The following CDK13 variants were observed in gnomAD, a reference collection of about 807,000 sequenced individuals.
CDK13 encodes cyclin-dependent kinase 13.
A neutral mutation model predicts 137.6 loss-of-function variants in CDK13; 40 were observed. The observed-to-expected ratio is 0.29, with a 90% CI of 0.23 to 0.38. The LOEUF is 0.38. CDK13 is among the 10% of genes least tolerant of loss of function. The pLI is 1.00. For missense variants in CDK13, 1,704 were observed against 1,951.8 expected, an observed-to-expected ratio of 0.87 and a Z score of 2.39; for synonymous variants, 869 against 760.1, an observed-to-expected ratio of 1.14 and a Z score of -2.36.
chr7:40,029,136 T>A (rs1785310033), intron 5 of CDK13, among the ~76,000 whole-genome samples: 1 of 151,766 alleles, frequency 6.6e-6, no homozygotes, highest in Non-Finnish European at 1.5e-5. Flanking sequence ...TTTAAAAAAT[T>A]AAGAAAAAGG....
intron 9 of CDK13, among the ~76,000 whole-genome samples, chr7:40,075,802 C>T (rs1014021227): frequency 1.3e-5 from 2 of 152,038 alleles, no homozygotes; most frequent in East Asian, 1.9e-4. Flanking sequence ...TGAAGCCAGG[C>T]GTTCAAGACC....
intron 2 of CDK13, among the ~76,000 whole-genome samples, chr7:39,996,253 T>C (rs559369238): frequency 1.0e-3 from 153 of 152,366 alleles, no homozygotes; most frequent in South Asian, 2.1e-3. Flanking sequence ...TCTTCAGTAA[T>C]TTCTGATCAC....
intron 1 of CDK13, among the ~76,000 whole-genome samples, chr7:39,958,993 G>A (rs1351344852): frequency 6.6e-6 from 1 of 152,112 alleles, no homozygotes; most frequent in East Asian, 1.9e-4. Context: ...GTTTTGCCAT[G>A]TTGGCCAGGC....
intron 5 of CDK13, among the ~76,000 whole-genome samples, chr7:40,034,392 A>G (rs1785441063): frequency 6.6e-6 from 1 of 152,224 alleles, no homozygotes; most frequent in African/African-American, 2.4e-5. Flanking sequence ...TGTTTTGAGT[A>G]TGGAATGGCA....
intron 7 of CDK13, chr7:40,048,818 GA>G (rs1237800428): frequency 6.6e-6 from 1 of 151,286 alleles, no homozygotes; most frequent in Non-Finnish European, 1.5e-5. Flanking sequence ...CATAATTCTG[GA>G]AAGTATTTTC....
intron 1 of CDK13, among the ~76,000 whole-genome samples, chr7:39,964,891 C>T (rs149935795): frequency 0.27 from 40,583 of 152,048 alleles, 6,549 homozygotes; most frequent in Middle Eastern, 0.45. Context: ...ATCCAGTAGT[C>T]ATTCAGCAGC....
chr7:39,978,343 T>C (rs6973963), intron 1 of CDK13, among the ~76,000 whole-genome samples: 3,602 of 151,670 alleles, frequency 0.024, 138 homozygotes, highest in African/African-American at 0.082. Flanking sequence ...GACAGTGACG[T>C]TTTTTTCTTT....
Position 39,951,833 on chromosome 7 carries a change from C to G in CDK13, c.1192C>G (p.Pro398Ala). 1 of 1,434,466 alleles carries G rather than the reference C, an allele frequency of 7.0e-7. No homozygotes were observed. Among genetic ancestry groups the G allele is most frequent in the Non-Finnish European group, 9.1e-7 (1 of 1,100,202 alleles). 88.9% of individuals were successfully genotyped at this position (1,434,466 alleles called of 1,614,324 possible). A position where few individuals can be genotyped will look rare whatever the true frequency, so the allele number is the denominator to read the frequency against. Residue 398 changes from proline to alanine, a missense_variant, in exon 1 of 14, where the codon CCC becomes GCC. This residue lies in a region of CDK13 where 1,051 missense variants were observed against 931.0 expected (regional missense o/e 1.13). Coordinates refer to ENST00000181839, the MANE Select transcript of CDK13 (RefSeq NM_003718.5). ...CAGCAGCTGGCGCCGCTCTCGCAGT[C>G]CCTACAGCCCTGTGCTCAGGTGAGT... ...SSSSWRRSRSPYSPVLRRSGK... is the reference protein window; with the variant it reads ...SSSSWRRSRSAYSPVLRRSGK...
Position 39,951,738 on chromosome 7 carries a change from G to C in CDK13, c.1097G>C (p.Arg366Pro), listed in dbSNP as rs759729645. ...TCCCCGAGCCCCTACAGTCGCCGCC[G>C]CTCCCCCAGCTACAGCCGCCACAGC... ...PRSPSPYSRR[R>P]SPSYSRHSSY... The change falls in exon 1 of 14, where the codon CGC becomes CCC. Residue 366 changes from arginine to proline, a missense_variant. By Grantham distance (103) the Arg-to-Pro change is moderately radical. Transcript: ENST00000181839. 16 of 1,483,204 alleles carry C rather than the reference G, an allele frequency of 1.1e-5. No individual in the cohort carries two copies. The highest frequency in any genetic ancestry group is 1.3e-5 in the Non-Finnish European group (15 of 1,127,246). 91.9% of individuals were successfully genotyped at this position (1,483,204 alleles called of 1,614,324 possible). A position where few individuals can be genotyped will look rare whatever the true frequency, so the allele number is the denominator to read the frequency against.
chr7:40,082,980 G>C (rs777538587), intron 11 of CDK13, among the ~76,000 whole-genome samples: 1 of 151,692 alleles, frequency 6.6e-6, no homozygotes, highest in Non-Finnish European at 1.5e-5. Flanking sequence ...GCACACGCCT[G>C]TAATCCCAGC....
chr7:39,994,681 T>C (rs1285415284), intron 2 of CDK13, among the ~76,000 whole-genome samples: 1 of 152,204 alleles, frequency 6.6e-6, no homozygotes, highest in African/African-American at 2.4e-5. Context: ...CTGAATATTA[T>C]GTAAATCTTT....
intron 11 of CDK13, among the ~76,000 whole-genome samples, chr7:40,085,064 TCTTA>T (rs1269309411): frequency 3.9e-5 from 6 of 152,094 alleles, no homozygotes; most frequent in Non-Finnish European, 8.8e-5. Context: ...ATAAAGAATC[TCTTA>T]CTTTTAAGGG....
intron 7 of CDK13, among the ~76,000 whole-genome samples, chr7:40,058,747 T>C (rs1239595541): frequency 6.6e-6 from 1 of 152,120 alleles, no homozygotes; most frequent in Non-Finnish European, 1.5e-5. Flanking sequence ...GAATCAAGAA[T>C]GACACTTGGA....
intron 4 of CDK13, among the ~76,000 whole-genome samples, chr7:40,000,405 T>A (rs1784658277): frequency 6.6e-6 from 1 of 152,052 alleles, no homozygotes. Flanking sequence ...TAGCCAGGTG[T>A]GGTGGTGGGC....
chr7:40,021,521 T>G (rs1785125697), intron 5 of CDK13, among the ~76,000 whole-genome samples: 1 of 152,070 alleles, frequency 6.6e-6, no homozygotes, highest in South Asian at 2.1e-4. Flanking sequence ...TTGTCTGTTT[T>G]AACTTGATAA....
chr7:40,006,215 C>T lies in CDK13; in HGVS notation c.2353+4184C>T, dbSNP rs184539599. Among the ~76,000 whole-genome samples, 630 of 152,200 alleles carry T rather than the reference C, an allele frequency of 4.1e-3. 4 individuals carry two copies. The highest frequency in any genetic ancestry group is 0.015 in the African/African-American group (606 of 41,532). On this transcript the variant is annotated intron_variant, in intron 5 of 13. Transcript: ENST00000181839. ...GGTTTTGGGATCAGAGAGAGCCTTT[C>T]GTGTTCCTCTAGGTACTCAGTTTCT...
intron 2 of CDK13, among the ~76,000 whole-genome samples, chr7:39,990,594 C>T (rs1052149509): frequency 2.0e-5 from 3 of 152,126 alleles, no homozygotes; most frequent in Non-Finnish European, 4.4e-5. Flanking sequence ...GCACAGGAGA[C>T]TTATTTTATA....
At chr7:39,952,449 A>G (rs1213302989) in intron 1 of CDK13, 3 of 152,226 alleles carry the variant, frequency 2.0e-5, no homozygotes, top group Admixed American at 2.0e-4. Flanking sequence ...TGAAGTTAAA[A>G]AAGGTATCTA....
At chr7:40,094,002 C>T in intron 13 of CDK13, 128 bp from the exon 14 acceptor site, 3 of 1,135,188 alleles carry the variant, frequency 2.6e-6, no homozygotes, top group African/African-American at 3.2e-5. Flanking sequence ...TTGCTTTTTT[C>T]ATTTAACATT....
Sources: allele counts gnomAD v4.1 joint callset (sites outside exome capture counted in the v4.1 genomes callset), GRCh38; gene constraint gnomAD v4.1.1; regional missense constraint gnomAD v4.1.1; transcripts MANE v1.5; gene names NCBI Gene and HGNC (gene_info 2026-07-23, HGNC 2026-07-21).